The following NEK1 variants were observed in gnomAD, a reference collection of about 807,000 sequenced individuals.
NEK1 encodes the protein NIMA related kinase 1.
A neutral mutation model predicts 182.1 loss-of-function variants in NEK1; 137 were observed. That is an observed-to-expected ratio of 0.75 (90% CI 0.65 to 0.87). The LOEUF (loss-of-function observed/expected upper bound fraction) is 0.87, where lower values mean the gene tolerates loss of function less well. Ranked by LOEUF, NEK1 falls within the 40% of genes least tolerant of loss-of-function variation. NEK1 has a pLI of 0.00. For synonymous variants in NEK1, 513 were observed against 492.2 expected, an observed-to-expected ratio of 1.04 and a Z score of -0.56; for missense variants, 1,391 against 1,494.4, an observed-to-expected ratio of 0.93 and a Z score of 1.14.
chr4:169,530,567 A>C (rs1036022862), intron 19 of NEK1, among the ~76,000 whole-genome samples: 4 of 152,144 alleles, frequency 2.6e-5, no homozygotes, highest in Non-Finnish European at 5.9e-5. Context: ...AAGTGCAATA[A>C]ATACATTTTT....
chr4:169,607,588 A>C (rs1386529229), intron 2 of NEK1, among the ~76,000 whole-genome samples: 4 of 151,912 alleles, frequency 2.6e-5, no homozygotes, highest in Non-Finnish European at 5.9e-5. Context: ...TCAGCCTCCC[A>C]AGTAGCTGGG....
chr4:169,439,936 T>A (rs1579628442), intron 27 of NEK1, among the ~76,000 whole-genome samples: 1 of 140,232 alleles, frequency 7.1e-6, no homozygotes, highest in African/African-American at 2.7e-5. Context: ...AACCTCCACC[T>A]CCCGGGTTCA....
chr4:169,585,353 G>A lies in NEK1; in HGVS notation c.803C>T (p.Pro268Leu). ...IAKRIEKFLS[P>L]QLIAEEFCLK... Reference sequence around the variant, plus strand: ...TTTAAAGGAAAAAGAACTTACCTGAGGAGAGAGAAACTTTTCAATGCGTTT... The same window carrying A: ...TTTAAAGGAAAAAGAACTTACCTGAAGAGAGAGAAACTTTTCAATGCGTTT... Residue 268 changes from proline (P) to leucine (L), a missense_variant, in exon 10 of 36, where the codon CCT becomes CTT. By Grantham distance (98) the Pro-to-Leu change is moderately conservative. Coordinates refer to ENST00000507142, the MANE Select transcript of NEK1 (RefSeq NM_001199397.3). 1 of 1,612,204 alleles carries A rather than the reference G, an allele frequency of 6.2e-7. No individual in the cohort carries two copies. Among genetic ancestry groups the A allele is most frequent in the Non-Finnish European group, 8.5e-7 (1 of 1,178,798 alleles).
At position 169,515,088 on chromosome 4, in the gene NEK1, T is replaced by C. The variant is rs1430399716; in HGVS notation, c.1666-6236A>G. On this transcript the variant is annotated intron_variant, in intron 19 of 35. Coordinates refer to ENST00000507142, the MANE Select transcript of NEK1 (RefSeq NM_001199397.3). ...CCTTTCAGATTTCCTCTTTGACCCA[T>C]GGTTTATTTAAAAGTGTGTTAATTT... is the stretch of plus-strand genomic sequence containing the variant. 3.9e-5 allele frequency among the ~76,000 whole-genome samples: 6 copies of C among 152,174 alleles called. No individual in the cohort carries two copies. In the South Asian group the frequency reaches 6.2e-4, roughly 16 times the overall value.
At chr4:169,415,825 C>T (rs1561147480) in intron 31 of NEK1, among the ~76,000 whole-genome samples, 1 of 152,116 alleles carries the variant, frequency 6.6e-6, no homozygotes, top group Admixed American at 6.6e-5. Context: ...ATCTTAGTTT[C>T]TGCAAAAAGA....
intron 2 of NEK1, among the ~76,000 whole-genome samples, chr4:169,605,857 A>G (rs1202361007): frequency 6.6e-6 from 1 of 152,230 alleles, no homozygotes; most frequent in Non-Finnish European, 1.5e-5. Context: ...CAACAAGGAA[A>G]AAATCAGAGA....
chr4:169,604,560 T>C (rs551137212), intron 2 of NEK1, among the ~76,000 whole-genome samples: 1 of 152,234 alleles, frequency 6.6e-6, no homozygotes, highest in Non-Finnish European at 1.5e-5. Context: ...GTGAAACTCT[T>C]TTTAAATTTC....
chr4:169,514,208 G>A (rs1014225930), intron 19 of NEK1, among the ~76,000 whole-genome samples: 11 of 152,010 alleles, frequency 7.2e-5, no homozygotes, highest in Non-Finnish European at 1.3e-4. Flanking sequence ...GGATGGTCTT[G>A]ATCTCTTGAC....
At position 169,400,521 on chromosome 4, in the gene NEK1, CTTTAT is replaced by C; in HGVS notation, c.3709_3713del (p.Ile1237GlyfsTer4). ...GTGTTTTAATTGACTTTTCACTTAC[CTTTAT>C]TTTCTCATAAACCTCAAAGAATTTT... is the stretch of plus-strand genomic sequence containing the variant. On this transcript the variant is annotated frameshift_variant and splice_region_variant, in exon 34 of 36. Coordinates refer to ENST00000507142, the MANE Select transcript of NEK1 (RefSeq NM_001199397.3). LOFTEE classifies it high-confidence loss of function. The C allele has an allele frequency of 6.3e-7, 1 of 1,596,276 alleles. No individual in the cohort carries two copies. The highest frequency in any genetic ancestry group is 8.5e-7 in the Non-Finnish European group (1 of 1,174,116).
In NEK1 at chr4:169,507,034, T is replaced by C; in HGVS notation, c.2007+3A>G. On this transcript the variant is annotated splice_donor_region_variant and intron_variant, in intron 23 of 35. Coordinates refer to ENST00000507142, the MANE Select transcript of NEK1 (RefSeq NM_001199397.3). The stretch of plus-strand genomic sequence containing the variant: ...AGGATTAAGAATATGAGCTAAATCT[T>C]ACATGCTCTTCCCACACTTTTTTTT... 6.3e-7 allele frequency: 1 copy of C among 1,599,754 alleles called. No homozygotes were observed. The highest frequency in any genetic ancestry group is 8.5e-7 in the Non-Finnish European group (1 of 1,170,834).
intron 19 of NEK1, among the ~76,000 whole-genome samples, chr4:169,533,930 C>A (rs1758054490): frequency 6.6e-6 from 1 of 152,104 alleles, no homozygotes; most frequent in Non-Finnish European, 1.5e-5. Context: ...AACAAAACAA[C>A]TGAGAAATAT....
chr4:169,405,665 A>C (rs1732463950), intron 32 of NEK1, among the ~76,000 whole-genome samples: 1 of 151,924 alleles, frequency 6.6e-6, no homozygotes, highest in Non-Finnish European at 1.5e-5. Context: ...ACAGGGTCTC[A>C]CTCTGTTGCT....
intron 19 of NEK1, among the ~76,000 whole-genome samples, chr4:169,524,977 C>A (rs1282099520): frequency 6.6e-6 from 1 of 152,146 alleles, no homozygotes; most frequent in Non-Finnish European, 1.5e-5. Context: ...CTATCTGGCC[C>A]TTTACAGAAA....
chr4:169,495,272 T>C (rs1750987973), intron 23 of NEK1, among the ~76,000 whole-genome samples: 1 of 139,920 alleles, frequency 7.1e-6, no homozygotes, highest in Non-Finnish European at 1.6e-5. Context: ...GAGACGGAGT[T>C]TCGCTCTGTC....
At chr4:169,528,834 T>G (rs1307307779) in intron 19 of NEK1, among the ~76,000 whole-genome samples, 1 of 152,046 alleles carries the variant, frequency 6.6e-6, no homozygotes, top group African/African-American at 2.4e-5. Flanking sequence ...CAAGTACATG[T>G]GGAACATTCA....
At chr4:169,596,173 G>A (rs1561481552) in intron 5 of NEK1, among the ~76,000 whole-genome samples, 2 of 152,050 alleles carry the variant, frequency 1.3e-5, no homozygotes, top group Admixed American at 6.5e-5. Flanking sequence ...TAGGATAGAA[G>A]AACAAATAAT....
chr4:169,478,227 C>T (rs1341937428), intron 24 of NEK1: 1 of 151,952 alleles, frequency 6.6e-6, no homozygotes, highest in Non-Finnish European at 1.5e-5. Flanking sequence ...TTTACCAACA[C>T]AACACAGAAA....
At position 169,477,364 on chromosome 4, in the gene NEK1, G is replaced by A. The variant is rs762376441; in HGVS notation, c.2206-12C>T. 4.7e-5 allele frequency: 73 copies of A among 1,554,512 alleles called. No individual in the cohort carries two copies. The highest frequency in any genetic ancestry group is 6.0e-5 in the South Asian group (5 of 83,132). On this transcript the variant is annotated splice_polypyrimidine_tract_variant and intron_variant, in intron 25 of 35. Transcript: ENST00000507142. ...ATTTCTCGCTTACTCTGAAAGTCAC[G>A]ACATTATATATTTTAATATGTATAT... is the stretch of plus-strand genomic sequence containing the variant.
intron 27 of NEK1, among the ~76,000 whole-genome samples, chr4:169,462,158 A>T (rs868213265): frequency 6.6e-6 from 1 of 151,804 alleles, no homozygotes; most frequent in African/African-American, 2.4e-5. Flanking sequence ...AAAAATCTGA[A>T]TTTTTTTCTC....
Sources: gnomAD v4.1 joint callset for allele counts (sites outside exome capture counted in the v4.1 genomes callset) on GRCh38, gnomAD v4.1.1 for gene constraint, MANE v1.5 for transcripts, NCBI Gene and HGNC (gene_info 2026-07-23, HGNC 2026-07-21) for gene names.